EYA1: variants seen among roughly 807,000 people sequenced by gnomAD.
EYA1 encodes protein phosphatase EYA1.
In EYA1, 16 loss-of-function variants were observed where a neutral mutation model predicts 82.0. The ratio of observed to expected loss-of-function variants is 0.20; its 90% CI spans 0.13 to 0.30. EYA1 has a LOEUF of 0.30. Ranked by LOEUF, EYA1 falls within the 10% of genes least tolerant of loss-of-function variation. The pLI is 1.00. For missense variants in EYA1, 633 were observed against 730.7 expected, an observed-to-expected ratio of 0.87 and a Z score of 1.54; for synonymous variants, 261 against 264.4, an observed-to-expected ratio of 0.99 and a Z score of 0.12.
chr8:71,375,766 T>C (rs1006981595), intron 2 of EYA1, among the ~76,000 whole-genome samples: 4 of 151,890 alleles, frequency 2.6e-5, no homozygotes, highest in African/African-American at 9.7e-5. Context: ...GTACCAGGGG[T>C]TACAGACGCC....
chr8:71,299,800 G>A (rs998329192), intron 7 of EYA1, 80 bp from the exon 8 acceptor site: 1 of 805,868 alleles, frequency 1.2e-6, no homozygotes, highest in Non-Finnish European at 2.2e-6. Context: ...TTTAGAAAAG[G>A]CAGAATTGGT....
At chr8:71,526,394 G>C (rs1018506419) in intron 2 of EYA1, among the ~76,000 whole-genome samples, 1 of 152,066 alleles carries the variant, frequency 6.6e-6, no homozygotes, top group African/African-American at 2.4e-5. Context: ...AGGTTGATAG[G>C]ATCCCTGTAT....
At chr8:71,362,282 T>TA (rs1324083717), upstream of EYA1, 3 of 813,288 alleles carry the variant, frequency 3.7e-6, no homozygotes, top group Admixed American at 1.3e-4. Context: ...AACCTTGCTG[T>TA]TTAAAAAAAA....
chr8:71,346,446 A>C (rs905787443), intron 3 of EYA1, among the ~76,000 whole-genome samples: 18 of 135,756 alleles, frequency 1.3e-4, no homozygotes, highest in South Asian at 2.2e-4. Flanking sequence ...ATATATATAT[A>C]TATATATATC....
At chr8:71,543,089 T>G (rs2129293096) in intron 1 of EYA1, among the ~76,000 whole-genome samples, 1 of 152,354 alleles carries the variant, frequency 6.6e-6, no homozygotes, top group South Asian at 2.1e-4. Context: ...TTGCTTTTGG[T>G]GTCTTCCTCA....
At chr8:71,292,066 T>C (rs1429732587) in intron 9 of EYA1, among the ~76,000 whole-genome samples, 2 of 152,154 alleles carry the variant, frequency 1.3e-5, no homozygotes, top group Non-Finnish European at 1.5e-5. Context: ...AAATATCATA[T>C]GATAAAAATG....
chr8:71,302,034 T>C (rs1422195665), intron 7 of EYA1, among the ~76,000 whole-genome samples: 1 of 152,158 alleles, frequency 6.6e-6, no homozygotes, highest in Non-Finnish European at 1.5e-5. Context: ...CATTTAAAAA[T>C]GCCTTGTAAA....
At chr8:71,247,904 C>T (rs940018306) in intron 11 of EYA1, among the ~76,000 whole-genome samples, 1 of 152,162 alleles carries the variant, frequency 6.6e-6, no homozygotes, top group African/African-American at 2.4e-5. Context: ...GATGGAGCCT[C>T]ACCACATTTA....
chr8:71,435,505 T>C (rs1805941933), intron 2 of EYA1, among the ~76,000 whole-genome samples: 1 of 151,940 alleles, frequency 6.6e-6, no homozygotes, highest in Non-Finnish European at 1.5e-5. Flanking sequence ...GGGATAAAAA[T>C]GTATATGGAA....
intron 2 of EYA1, among the ~76,000 whole-genome samples, chr8:71,382,537 T>C (rs1283644208): frequency 6.6e-6 from 1 of 152,120 alleles, no homozygotes; most frequent in Non-Finnish European, 1.5e-5. Context: ...ACTACAAGAA[T>C]TTTTTAAAAA....
intron 2 of EYA1, among the ~76,000 whole-genome samples, chr8:71,383,356 A>C (rs1318864164): frequency 5.9e-5 from 9 of 152,216 alleles, no homozygotes; most frequent in Admixed American, 4.6e-4. Context: ...ACTCCTACAC[A>C]TGAGTGCAAA....
rs935912194 is a variant in EYA1 at position 71,448,025 on chromosome 8, T to TTTTTTTTTTTTTAGGTAACGGAG, written c.33+87718_33+87719insCTCCGTTACCTAAAAAAAAAAAA. Reference sequence around the variant, plus strand: ...GTTTAAGAGCTTTTTTTTTTTTTTTTTCTCGCTCCGTTGCCCAGGCTGCAG... The same window carrying TTTTTTTTTTTTTAGGTAACGGAG: ...GTTTAAGAGCTTTTTTTTTTTTTTTTTTTTTTTTTTTTAGGTAACGGAGTCTCGCTCCGTTGCCCAGGCTGCAG... On this transcript the variant is annotated intron_variant, in intron 2 of 18. Transcript: ENST00000643681. Among the ~76,000 whole-genome samples the TTTTTTTTTTTTTAGGTAACGGAG allele has an allele frequency of 2.5e-3, 290 of 116,698 alleles. 17 individuals carry two copies. The highest frequency in any genetic ancestry group is 6.2e-3 in the African/African-American group (180 of 29,238). The allele number at this position is 116,698 out of a possible 152,430, so 76.6% of individuals were successfully genotyped here. A position where few individuals can be genotyped will look rare whatever the true frequency, so the allele number is the denominator to read the frequency against.
At chr8:71,232,249 C>T (rs1811286553) in intron 12 of EYA1, among the ~76,000 whole-genome samples, 3 of 152,188 alleles carry the variant, frequency 2.0e-5, no homozygotes, top group African/African-American at 4.8e-5. Flanking sequence ...GGACTGCTGC[C>T]CCCTGCCTCC....
chr8:71,484,127 C>T (rs1436792203), intron 2 of EYA1, among the ~76,000 whole-genome samples: 3 of 152,154 alleles, frequency 2.0e-5, no homozygotes, highest in Non-Finnish European at 2.9e-5. Context: ...CTTTGTACAA[C>T]TGGATTACCC....
intron 12 of EYA1, among the ~76,000 whole-genome samples, chr8:71,240,028 A>AACACATAT (rs1267673345): frequency 1.3e-5 from 2 of 152,222 alleles, no homozygotes; most frequent in African/African-American, 4.8e-5. Context: ...AAACATAAAT[A>AACACATAT]ACACATATTA....
chr8:71,294,627 T>C (rs868546262), intron 9 of EYA1, among the ~76,000 whole-genome samples: 1 of 152,206 alleles, frequency 6.6e-6, no homozygotes, highest in Non-Finnish European at 1.5e-5. Context: ...TCCATGCATA[T>C]GGATAGATTC....
At position 71,230,985 on chromosome 8, in the gene EYA1, C is replaced by T. The variant is rs1296041611; in HGVS notation, c.1140+13618G>A. ...GCTCACTGGACTCCACTTGTGTGTCCAACACACACTTCAGGTTCAATATCT... is the reference window on the plus strand; with the variant it reads ...GCTCACTGGACTCCACTTGTGTGTCTAACACACACTTCAGGTTCAATATCT... On this transcript the variant is annotated intron_variant, in intron 12 of 17. Coordinates refer to ENST00000340726, the MANE Select transcript of EYA1 (RefSeq NM_000503.6). 2.6e-5 allele frequency among the ~76,000 whole-genome samples: 4 copies of T among 152,158 alleles called. No individual in the cohort carries two copies. In the South Asian group the frequency reaches 6.2e-4, roughly 24 times the overall value.
intron 9 of EYA1, among the ~76,000 whole-genome samples, chr8:71,298,375 G>A (rs943579683): frequency 3.3e-5 from 5 of 152,108 alleles, no homozygotes; most frequent in African/African-American, 1.2e-4. Flanking sequence ...TGAAAGTATA[G>A]GAAACGTTAA....
In EYA1 at chr8:71,471,262, G is replaced by A. The variant is rs552666244; in HGVS notation, c.33+64482C>T. ...AATAGAAAACAATTGTTATACAATT[G>A]GGTTACAAAATTAATGCAGGAATGA... On this transcript the variant is annotated intron_variant, in intron 2 of 18. Transcript: ENST00000643681. Among the ~76,000 whole-genome samples the A allele has an allele frequency of 2.6e-5, 4 of 151,972 alleles. No homozygotes were observed. In the South Asian group the frequency reaches 8.3e-4, roughly 32 times the overall value.
Sources: gnomAD v4.1 joint callset for allele counts (sites outside exome capture counted in the v4.1 genomes callset) on GRCh38, gnomAD v4.1.1 for gene constraint, MANE v1.5 for transcripts, NCBI Gene and HGNC (gene_info 2026-07-23, HGNC 2026-07-21) for gene names.